The following ADAM19 variants were observed in gnomAD, a reference collection of about 807,000 sequenced individuals.
ADAM19 encodes the protein ADAM metallopeptidase domain 19.
ADAM19 carries 65 observed loss-of-function variants against 114.7 expected under a neutral mutation model. The observed-to-expected ratio is 0.57, with a 90% CI of 0.46 to 0.70. ADAM19 has a LOEUF of 0.70. Among genes scored for constraint, ADAM19 ranks in the 30% least tolerant of loss-of-function variants. The pLI, the probability that ADAM19 is intolerant of heterozygous loss-of-function variation, is 0.00. For missense variants in ADAM19, 1,063 were observed against 1,204.7 expected (o/e 0.88, Z 1.74); for synonymous variants, 466 against 460.5 (o/e 1.01, Z -0.15).
At chr5:157,525,452 A>G (rs1007804640) in intron 5 of ADAM19, among the ~76,000 whole-genome samples, 2 of 152,172 alleles carry the variant, frequency 1.3e-5, no homozygotes, top group Non-Finnish European at 2.9e-5. Context: ...GAAAAGAGGA[A>G]AGCCCACCCA....
chr5:157,555,318 A>G (rs1458064941), intron 3 of ADAM19, among the ~76,000 whole-genome samples: 1 of 152,194 alleles, frequency 6.6e-6, no homozygotes, highest in Non-Finnish European at 1.5e-5. Context: ...GGCATCTCCT[A>G]CTTTTTAGCT....
chr5:157,560,264 CAAAAAAAAAAAAAAAAAAA>C (rs35731498), intron 3 of ADAM19, among the ~76,000 whole-genome samples: 1 of 51,708 alleles, frequency 1.9e-5, no homozygotes, highest in African/African-American at 6.3e-5. Flanking sequence ...GACTCCGTCT[CAAAAAAAAAAAAAAAAAAA>C]AAAAAAAAAG....
At chr5:157,544,080 G>A (rs1013676089) in intron 3 of ADAM19, among the ~76,000 whole-genome samples, 4 of 152,192 alleles carry the variant, frequency 2.6e-5, no homozygotes, top group African/African-American at 7.2e-5. Flanking sequence ...GATGAGTCCA[G>A]GGGGCTGCAA....
At chr5:157,488,620 G>A in intron 20 of ADAM19, 131 bp from the exon 21 acceptor site, 1 of 675,018 alleles carries the variant, frequency 1.5e-6, no homozygotes, top group Admixed American at 3.2e-5. Flanking sequence ...GAGGATCCCA[G>A]AAGTCAGATG....
At chr5:157,481,190 G>A in intron 22 of ADAM19, 188 bp from the exon 23 acceptor site, 1 of 728,062 alleles carries the variant, frequency 1.4e-6, no homozygotes, top group Admixed American at 2.7e-5. Flanking sequence ...GGTGTGGTAG[G>A]TGCCCCTATC....
chr5:157,534,924 A>G (rs1392375754), intron 4 of ADAM19, among the ~76,000 whole-genome samples: 1 of 152,202 alleles, frequency 6.6e-6, no homozygotes, highest in African/African-American at 2.4e-5. Context: ...GAGCTCTTTT[A>G]TCCCCACCTT....
intron 20 of ADAM19, among the ~76,000 whole-genome samples, chr5:157,488,817 G>A (rs1372869771): frequency 6.6e-6 from 1 of 152,158 alleles, no homozygotes; most frequent in East Asian, 1.9e-4. Flanking sequence ...GGATCACGAG[G>A]TCAGGAGATG....
intron 7 of ADAM19, 63 bp from the exon 8 acceptor site, chr5:157,513,568 C>A: frequency 7.1e-7 from 1 of 1,408,940 alleles, no homozygotes; most frequent in South Asian, 1.2e-5. Flanking sequence ...TTCCTGCGCC[C>A]CATTACTTGT....
At chr5:157,528,324 CTTTCA>C (rs982915366) in intron 5 of ADAM19, among the ~76,000 whole-genome samples, 6 of 152,238 alleles carry the variant, frequency 3.9e-5, no homozygotes, top group African/African-American at 1.4e-4. Context: ...ATCCCCCTCC[CTTTCA>C]GCACTGCTGC....
chr5:157,489,837 A>C (rs1235844337), intron 19 of ADAM19, among the ~76,000 whole-genome samples: 1 of 152,144 alleles, frequency 6.6e-6, no homozygotes, highest in Non-Finnish European at 1.5e-5. Context: ...AATACAAAAA[A>C]TTAGCTGGGT....
chr5:157,534,352 C>G (rs1446027884), intron 4 of ADAM19, among the ~76,000 whole-genome samples: 3 of 152,108 alleles, frequency 2.0e-5, no homozygotes, highest in Non-Finnish European at 4.4e-5. Context: ...CTTGTAATCC[C>G]AGATACTCGG....
At chr5:157,551,134 G>A (rs912088271) in intron 3 of ADAM19, among the ~76,000 whole-genome samples, 1 of 152,184 alleles carries the variant, frequency 6.6e-6, no homozygotes, top group African/African-American at 2.4e-5. Flanking sequence ...GCCAGGCACA[G>A]TGGTTCATGC....
chr5:157,516,935 AACACACACACAC>A (rs10570308), intron 7 of ADAM19, among the ~76,000 whole-genome samples: 1 of 150,254 alleles, frequency 6.7e-6, no homozygotes, highest in African/African-American at 2.4e-5. Flanking sequence ...GAAAACATAG[AACACACACACAC>A]ACACACACAC....
chr5:157,479,778 T>A lies in ADAM19; in HGVS notation c.*1171A>T. 1 of 985,590 alleles carries A rather than the reference T, an allele frequency of 1.0e-6. No individual in the cohort carries two copies. The highest frequency in any genetic ancestry group is 1.7e-5 in the African/African-American group (1 of 57,350). The allele number at this position is 985,590 out of a possible 1,614,324, so 61.1% of individuals were successfully genotyped here. ...ATCTCGGGCAGCTCCCAGAAATGGG[T>A]CTGTTCTCTGCTCAGAGGGCAACGG... On this transcript the variant is annotated 3_prime_UTR_variant, in exon 23 of 23. Transcript: ENST00000257527.
At chr5:157,486,794 T>TA (rs370243640) in intron 21 of ADAM19, among the ~76,000 whole-genome samples, 75 of 147,232 alleles carry the variant, frequency 5.1e-4, no homozygotes, top group Non-Finnish European at 7.1e-4. Context: ...ACTCATCATT[T>TA]AAAAAAAAAA....
At chr5:157,526,865 C>T (rs1345599688) in intron 5 of ADAM19, among the ~76,000 whole-genome samples, 1 of 151,996 alleles carries the variant, frequency 6.6e-6, no homozygotes, top group East Asian at 1.9e-4. Flanking sequence ...AAGTGATCTG[C>T]CTGCCTCGGC....
chr5:157,483,709 C>T (rs1231320773), intron 21 of ADAM19, among the ~76,000 whole-genome samples: 2 of 151,208 alleles, frequency 1.3e-5, no homozygotes, highest in Non-Finnish European at 2.9e-5. Context: ...TCTCGGCTTA[C>T]TGCAACCTCT....
chr5:157,535,127 T>C (rs1048497499), intron 4 of ADAM19, among the ~76,000 whole-genome samples: 1 of 152,208 alleles, frequency 6.6e-6, no homozygotes, highest in Non-Finnish European at 1.5e-5. Flanking sequence ...GAGTCAGATA[T>C]CAGCATATGC....
chr5:157,499,616 G>T lies in ADAM19; in HGVS notation c.1355C>A (p.Pro452Gln), dbSNP rs147064466. The T allele has an allele frequency of 1.2e-6, 2 of 1,613,414 alleles. No individual in the cohort carries two copies. The highest frequency in any genetic ancestry group is 1.7e-6 in the Non-Finnish European group (2 of 1,179,850). The stretch of plus-strand genomic sequence containing the variant: ...GGAGCCGTGAGCACACTCCGCCCCC[G>T]GCCTCAGGGTACAATTAGAGGCATT... Reference protein sequence around the residue: ...CCNASNCTLRPGAECAHGSCC... With the variant: ...CCNASNCTLRQGAECAHGSCC... Residue 452 changes from proline (P) to glutamine (Q), a missense_variant, in exon 13 of 23, where the codon CCG becomes CAG. Around this residue, in one of 3 missense-constraint regions of ADAM19, gnomAD observed 615 missense variants for 706.3 expected, o/e 0.87. Coordinates refer to ENST00000257527, the MANE Select transcript of ADAM19 (RefSeq NM_033274.5).
Sources: gnomAD v4.1 joint callset for allele counts (sites outside exome capture counted in the v4.1 genomes callset) on GRCh38, gnomAD v4.1.1 for gene constraint, gnomAD v4.1.1 regional missense constraint, MANE v1.5 for transcripts, NCBI Gene and HGNC (gene_info 2026-07-23, HGNC 2026-07-21) for gene names.